The following HKDC1 variants were observed in gnomAD, a reference collection of about 807,000 sequenced individuals.
HKDC1 encodes the protein hexokinase HKDC1.
In HKDC1, 66 loss-of-function variants were observed where a neutral mutation model predicts 96.6. The observed-to-expected ratio is 0.68, with a 90% CI of 0.56 to 0.84. HKDC1 has a LOEUF of 0.84. Ranked by LOEUF, HKDC1 falls within the 40% of genes least tolerant of loss-of-function variation. The pLI, the probability that HKDC1 is intolerant of heterozygous loss-of-function variation, is 0.00. For synonymous variants in HKDC1, 466 were observed against 473.1 expected, an observed-to-expected ratio of 0.98 and a Z score of 0.20; for missense variants, 1,211 against 1,208.1, an observed-to-expected ratio of 1.00 and a Z score of -0.04.
intron 4 of HKDC1, among the ~76,000 whole-genome samples, chr10:69,236,718 T>C (rs1190008020): frequency 6.6e-6 from 1 of 151,486 alleles, no homozygotes; most frequent in Non-Finnish European, 1.5e-5. Flanking sequence ...AGGCGGAGGT[T>C]GCAGTGAGCT....
intron 4 of HKDC1, among the ~76,000 whole-genome samples, chr10:69,237,732 G>C (rs1843385221): frequency 6.6e-6 from 1 of 152,186 alleles, no homozygotes; most frequent in Non-Finnish European, 1.5e-5. Context: ...TAGCCTATGA[G>C]AGCAGAAGTT....
chr10:69,246,330 T>C, intron 8 of HKDC1, 96 bp downstream of exon 8: 6 of 1,292,486 alleles, frequency 4.6e-6, no homozygotes, highest in Non-Finnish European at 3.3e-6. Context: ...AGGGACTAGA[T>C]CCTCCTCCTT....
intron 12 of HKDC1, among the ~76,000 whole-genome samples, chr10:69,255,093 AGCTACT>A (rs1172917931): frequency 6.6e-6 from 1 of 152,240 alleles, no homozygotes; most frequent in African/African-American, 2.4e-5. Flanking sequence ...ACCAGGACAC[AGCTACT>A]GCTCCTGACT....
chr10:69,250,202 T>A, intron 10 of HKDC1, 88 bp from the exon 11 acceptor site: 2 of 1,440,786 alleles, frequency 1.4e-6, no homozygotes, highest in Non-Finnish European at 1.9e-6. Flanking sequence ...AGGCCCTGGG[T>A]CCGCTCTGCT....
chr10:69,263,118 G>T (rs1452563703), intron 16 of HKDC1, among the ~76,000 whole-genome samples: 1 of 152,096 alleles, frequency 6.6e-6, no homozygotes, highest in Non-Finnish European at 1.5e-5. Context: ...GGGCTGGAGT[G>T]CTGTGTTGCA....
chr10:69,227,092 C>T (rs1843170182), intron 1 of HKDC1, 115 bp from the exon 2 acceptor site: 1 of 1,183,844 alleles, frequency 8.4e-7, no homozygotes. Flanking sequence ...ATCCACATCT[C>T]AATGCTGTCC....
chr10:69,243,352 C>G lies in HKDC1; in HGVS notation c.862C>G (p.Pro288Ala), dbSNP rs532821391. 1 of 1,585,902 alleles carries G rather than the reference C, an allele frequency of 6.3e-7. No homozygotes were observed. Among genetic ancestry groups the G allele is most frequent in the Admixed American group, 1.7e-5 (1 of 57,232 alleles). ...DRELDLGSLN[P>A]GKQLFEKMIS... ...GGAGCTGGACCTCGGCTCTCTCAAC[C>G]CAGGAAAGCAACTGTGAGTTCCCTT... Residue 288 changes from proline to alanine, a missense_variant, in exon 7 of 18, where the codon CCA becomes GCA. Physicochemically the swap from Pro to Ala is conservative, Grantham distance 27 (BLOSUM62 -1). Coordinates refer to ENST00000354624, the MANE Select transcript of HKDC1 (RefSeq NM_025130.4).
chr10:69,241,576 C>G (rs1481275074), intron 6 of HKDC1, among the ~76,000 whole-genome samples: 16 of 152,150 alleles, frequency 1.1e-4, no homozygotes, highest in Non-Finnish European at 1.5e-5. Context: ...CTCTGCCTCC[C>G]AGGCTCAAGC....
intron 2 of HKDC1, among the ~76,000 whole-genome samples, chr10:69,230,828 A>G (rs949862309): frequency 1.3e-5 from 2 of 152,156 alleles, no homozygotes; most frequent in African/African-American, 4.8e-5. Flanking sequence ...CATATTGACC[A>G]GGCTGGTGTT....
rs1335811005 is a variant in HKDC1, at chr10:69,240,699, C to T, written c.639C>T (p.Thr213=). 6.2e-7 allele frequency: 1 copy of T among 1,614,062 alleles called. No individual in the cohort carries two copies. Among genetic ancestry groups the T allele is most frequent in the South Asian group, 1.1e-5 (1 of 91,074 alleles). ...CCCTGGTCAATGACACCGTGGGGAC[C>T]ATGATGACCTGTGCCTATGACGACC... ...ILALVNDTVG[T]MMTCAYDDPY... is the part of the protein sequence containing the mutation. The change falls in exon 6 of 18, where the codon ACC becomes ACT. Residue 213 remains threonine (T), a synonymous_variant. Transcript: ENST00000354624.
chr10:69,243,195 T>C lies in HKDC1; in HGVS notation c.705T>C (p.Asn235=). ...TCCCTGGTTCAGGAACTGGCACCAA[T>C]GCGTGTTACATGGAGGACATGAGCA... ...EVGVIIGTGT[N]ACYMEDMSNI... is the part of the protein sequence containing the mutation. The change falls in exon 7 of 18, where the codon AAT becomes AAC. Residue 235 remains asparagine, a synonymous_variant. Transcript: ENST00000354624. 2 of 1,614,214 alleles carry C rather than the reference T, an allele frequency of 1.2e-6. No homozygotes were observed. Among genetic ancestry groups the C allele is most frequent in the Non-Finnish European group, 1.7e-6 (2 of 1,180,034 alleles).
intron 16 of HKDC1, chr10:69,261,984 A>T (rs1322729189): frequency 3.0e-6 from 1 of 331,340 alleles, no homozygotes; most frequent in Non-Finnish European, 6.1e-6. Context: ...GCTTAATTAG[A>T]TTCAGTAGTG....
intron 4 of HKDC1, among the ~76,000 whole-genome samples, chr10:69,234,517 A>G (rs1255566244): frequency 6.6e-6 from 1 of 152,254 alleles, no homozygotes; most frequent in Non-Finnish European, 1.5e-5. Context: ...TGCCTCCCAA[A>G]GCGTTGGGAT....
intron 9 of HKDC1, among the ~76,000 whole-genome samples, chr10:69,248,064 G>A (rs1018784481): frequency 3.3e-5 from 5 of 152,224 alleles, no homozygotes; most frequent in African/African-American, 9.6e-5. Flanking sequence ...GAAGGAGAGT[G>A]AAAGCCCCTT....
intron 12 of HKDC1, 120 bp downstream of exon 12, chr10:69,250,772 T>A (rs1328328353): frequency 2.9e-5 from 30 of 1,029,330 alleles, no homozygotes; most frequent in Non-Finnish European, 3.7e-5. Context: ...TCAGGGCAGC[T>A]GGGAACACAT....
rs867442880 is a variant in HKDC1, at chr10:69,250,310, C to T, written c.1591C>T (p.Leu531=). ...CACAGAGAAAGGAAAGTTTCTCGCC[C>T]TGGATCTTGGGGGAACCAACTTCCG... The part of the protein sequence containing the change: ...DGTEKGKFLA[L]DLGGTNFRVL... Residue 531 remains leucine, a synonymous_variant, in exon 11 of 18, where the codon CTG becomes TTG. Coordinates refer to ENST00000354624, the MANE Select transcript of HKDC1 (RefSeq NM_025130.4). The T allele has an allele frequency of 6.2e-7, 1 of 1,613,942 alleles. No individual in the cohort carries two copies. The highest frequency in any genetic ancestry group is 8.5e-7 in the Non-Finnish European group (1 of 1,179,866).
intron 1 of HKDC1, among the ~76,000 whole-genome samples, chr10:69,222,504 C>T (rs1390776807): frequency 6.6e-6 from 1 of 152,170 alleles, no homozygotes. Context: ...CCTTTGGAAC[C>T]CTGAAACCTT....
At chr10:69,263,866 TAAAC>T (rs1406265486) in intron 16 of HKDC1, among the ~76,000 whole-genome samples, 4 of 152,144 alleles carry the variant, frequency 2.6e-5, no homozygotes, top group Admixed American at 6.5e-5. Context: ...AAAATACAGA[TAAAC>T]AAAGGAAGAA....
intron 14 of HKDC1, 107 bp from the exon 15 acceptor site, chr10:69,258,669 C>A: frequency 1.8e-6 from 2 of 1,112,726 alleles, no homozygotes; most frequent in South Asian, 1.3e-5. Flanking sequence ...GAATCGCATC[C>A]AGTTGTATCT....
Sources: gnomAD v4.1 joint callset for allele counts (sites outside exome capture counted in the v4.1 genomes callset) on GRCh38, gnomAD v4.1.1 for gene constraint, MANE v1.5 for transcripts, NCBI Gene and HGNC (gene_info 2026-07-23, HGNC 2026-07-21) for gene names.